The following PXK variants were observed in gnomAD, a reference collection of about 807,000 sequenced individuals.
PXK encodes the protein PX domain containing serine/threonine kinase like.
A neutral mutation model predicts 84.7 loss-of-function variants in PXK; 35 were observed. The ratio of observed to expected loss-of-function variants is 0.41; its 90% CI spans 0.32 to 0.55. The LOEUF is 0.55. PXK is among the 20% of genes least tolerant of loss of function. The probability of loss-of-function intolerance (pLI) is 0.21; values close to 1 mark genes in which losing one functional copy is unlikely to be tolerated. For synonymous variants in PXK, 253 were observed against 260.8 expected (o/e 0.97, Z 0.29); for missense variants, 634 against 699.7 (o/e 0.91, Z 1.06).
chr3:58,365,169 T>C (rs2098251909), intron 1 of PXK, among the ~76,000 whole-genome samples: 2 of 152,064 alleles, frequency 1.3e-5, no homozygotes, highest in Admixed American at 6.6e-5. Flanking sequence ...TCCCTCTCAG[T>C]GCTGTGTTAG....
chr3:58,410,374 G>A (rs1288437453), intron 16 of PXK, among the ~76,000 whole-genome samples: 1 of 152,218 alleles, frequency 6.6e-6, no homozygotes, highest in African/African-American at 2.4e-5. Flanking sequence ...AGGTAATTGG[G>A]TAGCTCACCT....
rs1287495107 is a variant in PXK at position 58,390,097 on chromosome 3, G to A, written c.389-485G>A. 6.6e-6 allele frequency among the ~76,000 whole-genome samples: 1 copy of A among 150,408 alleles called. No homozygotes were observed. Among genetic ancestry groups the A allele is most frequent in the African/African-American group, 2.4e-5 (1 of 40,864 alleles). ...GGAGGCTGAGGTGGGAGGATCACTT[G>A]AGCCCAGGAGGTTGAGTTTGCAGTG... is the stretch of plus-strand genomic sequence containing the variant. On this transcript the variant is annotated intron_variant, in intron 4 of 17. Coordinates refer to ENST00000356151, the MANE Select transcript of PXK (RefSeq NM_017771.5). The surrounding 1 kb of genome is among the most constrained non-coding windows in gnomAD (Gnocchi z 4.2).
At chr3:58,334,949 G>C (rs961464385) in intron 1 of PXK, among the ~76,000 whole-genome samples, 46 of 130,456 alleles carry the variant, frequency 3.5e-4, no homozygotes, top group East Asian at 8.9e-4. Flanking sequence ...GTGTGTGTGT[G>C]TGTGTGTGTC....
chr3:58,348,515 G>A (rs142047473), intron 1 of PXK, among the ~76,000 whole-genome samples: 1 of 152,050 alleles, frequency 6.6e-6, no homozygotes, highest in Non-Finnish European at 1.5e-5. Context: ...TTTTCTAGTA[G>A]CCATGTTAAA....
chr3:58,356,979 G>C (rs913364678), intron 1 of PXK, among the ~76,000 whole-genome samples: 1 of 150,178 alleles, frequency 6.7e-6, no homozygotes, highest in South Asian at 2.1e-4. Flanking sequence ...TTGGTATATC[G>C]AGCAATCTAG....
chr3:58,400,567 G>C lies in PXK; in HGVS notation c.1181+1190G>C, dbSNP rs972997492. Among the ~76,000 whole-genome samples the C allele has an allele frequency of 6.6e-6, 1 of 152,164 alleles. No individual in the cohort carries two copies. The highest frequency in any genetic ancestry group is 1.5e-5 in the Non-Finnish European group (1 of 68,024). On this transcript the variant is annotated intron_variant, in intron 12 of 17. Coordinates refer to ENST00000356151, the MANE Select transcript of PXK (RefSeq NM_017771.5). This position sits in a 1 kb window ranked among gnomAD's most constrained non-coding sequence, Gnocchi z 4.0. ...TGCCCCGTGGATGTGACATTCTACTGTTCCACAGACACTGAAGCGTCTGTC... is the reference window on the plus strand; with the variant it reads ...TGCCCCGTGGATGTGACATTCTACTCTTCCACAGACACTGAAGCGTCTGTC...
intron 1 of PXK, among the ~76,000 whole-genome samples, chr3:58,338,031 A>C (rs1406984384): frequency 6.6e-6 from 1 of 152,144 alleles, no homozygotes; most frequent in Non-Finnish European, 1.5e-5. Context: ...TAGAATTCTA[A>C]GTTATACTGA....
rs2060660257 is a variant in PXK at position 58,414,379 on chromosome 3, G to A, written c.1528+1416G>A. On this transcript the variant is annotated intron_variant, in intron 17 of 17. Transcript: ENST00000356151. The surrounding 1 kb of genome is among the most constrained non-coding windows in gnomAD (Gnocchi z 4.5). ...ATCTGCCCCTGCTCACTTGACTGCC[G>A]GTTCTTATCTCTAAATGCCTTTGGG... The A allele has an allele frequency of 1.3e-5, 2 of 152,120 alleles. No individual in the cohort carries two copies. Among genetic ancestry groups the A allele is most frequent in the African/African-American group, 2.4e-5 (1 of 41,402 alleles). The allele number at this position is 152,120 out of a possible 1,614,324, so 9.4% of individuals were successfully genotyped here. A position where few individuals can be genotyped will look rare whatever the true frequency, so the allele number is the denominator to read the frequency against.
intron 2 of PXK, among the ~76,000 whole-genome samples, chr3:58,367,315 G>A (rs1285572589): frequency 1.3e-5 from 2 of 151,242 alleles, no homozygotes; most frequent in Non-Finnish European, 2.9e-5. Context: ...CACGATCTTC[G>A]CTCACTGCAA....
chr3:58,351,950 A>AGT (rs2108058376), intron 1 of PXK, among the ~76,000 whole-genome samples: 1 of 152,354 alleles, frequency 6.6e-6, no homozygotes, highest in African/African-American at 2.4e-5. Context: ...AAAGCTGGCC[A>AGT]TTGTGCTGGC....
chr3:58,397,259 A>T lies in PXK; in HGVS notation c.984+59A>T. On this transcript the variant is annotated intron_variant, in intron 10 of 17. Coordinates refer to ENST00000356151, the MANE Select transcript of PXK (RefSeq NM_017771.5). This position sits in a 1 kb window ranked among gnomAD's most constrained non-coding sequence, Gnocchi z 4.7. Reference sequence around the variant, plus strand: ...TTTTTAGGTGTCAGTTATCCCCATGATCTGCCCATGTAGGAAATATGCACC... The same window carrying T: ...TTTTTAGGTGTCAGTTATCCCCATGTTCTGCCCATGTAGGAAATATGCACC... The T allele has an allele frequency of 6.4e-7, 1 of 1,558,316 alleles. No individual in the cohort carries two copies. Among genetic ancestry groups the T allele is most frequent in the Non-Finnish European group, 8.8e-7 (1 of 1,134,768 alleles).
chr3:58,369,707 C>T (rs2098335219), intron 3 of PXK, among the ~76,000 whole-genome samples: 1 of 151,906 alleles, frequency 6.6e-6, no homozygotes, highest in Admixed American at 6.6e-5. Flanking sequence ...GCCTGTAATC[C>T]TAGCTACTTG....
chr3:58,380,786 C>G (rs954144042), intron 3 of PXK, among the ~76,000 whole-genome samples: 2 of 151,498 alleles, frequency 1.3e-5, no homozygotes, highest in African/African-American at 4.9e-5. Flanking sequence ...GAGACTCTGT[C>G]TCAAAGTAAG....
intron 17 of PXK, among the ~76,000 whole-genome samples, chr3:58,418,869 G>A (rs1451998378): frequency 6.6e-6 from 1 of 152,284 alleles, no homozygotes; most frequent in South Asian, 2.1e-4. Context: ...GTGGGAGCCC[G>A]CCCTCTGAAG....
rs372002309 is a variant in PXK at position 58,409,636 on chromosome 3, C to A, written c.1395+18C>A. On this transcript the variant is annotated intron_variant, in intron 15 of 17. Transcript: ENST00000356151. This position sits in a 1 kb window ranked among gnomAD's most constrained non-coding sequence, Gnocchi z 4.2. ...CTCGAAAGGTAAGCCTGCTGTCTCT[C>A]TGCAGTCCCTCTATGAGTTCTTGAG... The A allele has an allele frequency of 7.6e-6, 12 of 1,589,362 alleles. No individual in the cohort carries two copies. The highest frequency in any genetic ancestry group is 1.7e-4 in the Middle Eastern group (1 of 6,020).
chr3:58,426,037 G>A lies in PXK; in HGVS notation c.*1077G>A, dbSNP rs2062769280. On this transcript the variant is annotated 3_prime_UTR_variant, in exon 18 of 18. Coordinates refer to ENST00000356151, the MANE Select transcript of PXK (RefSeq NM_017771.5). ...ATGTCAAGAAAACGTGTTGTCTGTA[G>A]CTTGACAAGATATTTCAAATGAGAA... The A allele has an allele frequency of 6.6e-6, 1 of 152,170 alleles. No individual in the cohort carries two copies. Among genetic ancestry groups the A allele is most frequent in the Non-Finnish European group, 1.5e-5 (1 of 68,032 alleles). 9.4% of individuals were successfully genotyped at this position (152,170 alleles called of 1,614,324 possible).
chr3:58,396,931 G>A, intron 9 of PXK, 108 bp from the exon 10 acceptor site: 2 of 1,179,900 alleles, frequency 1.7e-6, no homozygotes, highest in Non-Finnish European at 2.4e-6. Context: ...TCTTCTCAGT[G>A]ACCTGTTTGG....
intron 1 of PXK, among the ~76,000 whole-genome samples, chr3:58,343,781 T>A (rs1025862031): frequency 6.6e-6 from 1 of 152,232 alleles, no homozygotes; most frequent in Non-Finnish European, 1.5e-5. Context: ...ATTTGCTGAA[T>A]AAGTGAATTT....
In PXK at chr3:58,389,929, G is replaced by A. The variant is rs375202401; in HGVS notation, c.389-653G>A. Reference sequence around the variant, plus strand: ...CAGGAGAATTGCTTGAACCCAGGAGGTGGAGGTTGCGGTGAGCCGAGATCG... The same window carrying A: ...CAGGAGAATTGCTTGAACCCAGGAGATGGAGGTTGCGGTGAGCCGAGATCG... On this transcript the variant is annotated intron_variant, in intron 4 of 17. Transcript: ENST00000356151. 4.4e-4 allele frequency among the ~76,000 whole-genome samples: 66 copies of A among 150,380 alleles called. No individual in the cohort carries two copies. The South Asian group carries it at 0.013, about 30-fold the overall frequency.
Sources: gnomAD v4.1 joint callset for allele counts (sites outside exome capture counted in the v4.1 genomes callset) on GRCh38, gnomAD v4.1.1 for gene constraint, Gnocchi (gnomAD v3.1) non-coding constraint, MANE v1.5 for transcripts, NCBI Gene and HGNC (gene_info 2026-07-23, HGNC 2026-07-21) for gene names.